The following ADAP2 variants were observed in gnomAD, a reference collection of about 807,000 sequenced individuals.
The protein encoded by ADAP2 is ArfGAP with dual PH domains 2.
In ADAP2, 42 loss-of-function variants were observed where a neutral mutation model predicts 54.9. That is an observed-to-expected ratio of 0.77 (90% CI 0.60 to 0.99). The LOEUF is 0.99. ADAP2 is among the 50% of genes least tolerant of loss of function. The pLI, the probability that ADAP2 is intolerant of heterozygous loss-of-function variation, is 0.00. For missense variants in ADAP2, 429 were observed against 480.4 expected (o/e 0.89, Z 1.00); for synonymous variants, 177 against 180.1 (o/e 0.98, Z 0.14).
intron 3 of ADAP2, among the ~76,000 whole-genome samples, chr17:30,929,675 ACT>A (rs957004313): frequency 1.3e-4 from 20 of 151,354 alleles, no homozygotes; most frequent in African/African-American, 4.9e-4. Flanking sequence ...ACTAGGAATG[ACT>A]CTCTCTCTCT....
chr17:30,925,173 C>T (rs377143585), intron 2 of ADAP2, among the ~76,000 whole-genome samples: 16 of 140,072 alleles, frequency 1.1e-4, no homozygotes, highest in African/African-American at 2.4e-4. Flanking sequence ...CGTGAGCCAC[C>T]GTGCCCAGCA....
chr17:30,923,340 C>T (rs1910785966), intron 2 of ADAP2, among the ~76,000 whole-genome samples: 2 of 150,876 alleles, frequency 1.3e-5, no homozygotes, highest in South Asian at 4.2e-4. Flanking sequence ...TCTTGGCTCA[C>T]TGCAACCGCT....
At chr17:30,945,459 C>G (rs1257840799) in intron 6 of ADAP2, among the ~76,000 whole-genome samples, 1 of 152,116 alleles carries the variant, frequency 6.6e-6, no homozygotes, top group Non-Finnish European at 1.5e-5. Flanking sequence ...TGGCATCACC[C>G]AGGAGCTCAA....
chr17:30,925,018 A>T (rs1255822978), intron 2 of ADAP2, among the ~76,000 whole-genome samples: 1 of 150,806 alleles, frequency 6.6e-6, no homozygotes, highest in African/African-American at 2.4e-5. Flanking sequence ...GATTACAGGC[A>T]TGCACCACCA....
At chr17:30,924,773 G>A (rs921160719) in intron 2 of ADAP2, among the ~76,000 whole-genome samples, 4 of 152,190 alleles carry the variant, frequency 2.6e-5, no homozygotes, top group African/African-American at 9.7e-5. Flanking sequence ...TTACATTCTA[G>A]TGTGGGAGAA....
chr17:30,941,260 T>C (rs1303835687), intron 5 of ADAP2, among the ~76,000 whole-genome samples: 1 of 152,254 alleles, frequency 6.6e-6, no homozygotes, highest in Non-Finnish European at 1.5e-5. Context: ...TTATTGCTTC[T>C]CTTCAATTAG....
intron 7 of ADAP2, among the ~76,000 whole-genome samples, chr17:30,949,738 G>C (rs940689435): frequency 7.8e-6 from 1 of 127,744 alleles, no homozygotes; most frequent in Non-Finnish European, 1.5e-5. Context: ...GACAGAGTGA[G>C]ACTCCGTCTC....
intron 2 of ADAP2, among the ~76,000 whole-genome samples, chr17:30,923,740 G>A (rs1374671638): frequency 3.5e-5 from 4 of 114,732 alleles, no homozygotes; most frequent in African/African-American, 1.1e-4. Context: ...CACTCTTGTC[G>A]CCCAGGCTGG....
intron 3 of ADAP2, among the ~76,000 whole-genome samples, chr17:30,931,097 T>G (rs771560585): frequency 6.6e-6 from 1 of 152,132 alleles, no homozygotes; most frequent in African/African-American, 2.4e-5. Flanking sequence ...CTGCCCAGAC[T>G]TCATGGGCAG....
chr17:30,942,723 C>G (rs1912364141), intron 5 of ADAP2, among the ~76,000 whole-genome samples: 2 of 152,118 alleles, frequency 1.3e-5, no homozygotes, highest in South Asian at 4.1e-4. Flanking sequence ...GCAAAAAGAA[C>G]CTCATTAAAA....
chr17:30,942,888 T>C lies in ADAP2; in HGVS notation c.511-2019T>C, dbSNP rs1029343210. On this transcript the variant is annotated intron_variant, in intron 5 of 10. Transcript: ENST00000330889. ...AGTCAGAATGACTGTTATCAAAAAG[T>C]AAAAAAGTAACAGATACTGGTGAGG... is the stretch of plus-strand genomic sequence containing the variant. 4.6e-5 allele frequency among the ~76,000 whole-genome samples: 7 copies of C among 152,130 alleles called. No individual in the cohort carries two copies. The East Asian group carries it at 1.3e-3, about 29-fold the overall frequency.
At chr17:30,941,737 C>T (rs150864083) in intron 5 of ADAP2, among the ~76,000 whole-genome samples, 18 of 152,038 alleles carry the variant, frequency 1.2e-4, no homozygotes. Flanking sequence ...TTAGAACAGG[C>T]AAAACTGTAC....
intron 5 of ADAP2, among the ~76,000 whole-genome samples, chr17:30,938,540 G>C (rs975639948): frequency 1.3e-5 from 2 of 152,158 alleles, no homozygotes; most frequent in Non-Finnish European, 2.9e-5. Context: ...GCCATCTTTG[G>C]AGACCATCTA....
Position 30,931,879 on chromosome 17 carries a change from C to A in ADAP2, c.318-10C>A. 2 of 1,604,146 alleles carry A rather than the reference C, an allele frequency of 1.2e-6. No homozygotes were observed. The stretch of plus-strand genomic sequence containing the variant: ...TCAAACGCAGCTGACCTCAGGCTCT[C>A]TCTTTTTAGGGTCTTAAAGGAACAA... On this transcript the variant is annotated splice_polypyrimidine_tract_variant and intron_variant, in intron 3 of 10. Transcript: ENST00000330889.
chr17:30,937,880 G>A (rs1912002100), intron 5 of ADAP2, among the ~76,000 whole-genome samples: 1 of 152,198 alleles, frequency 6.6e-6, no homozygotes, highest in Non-Finnish European at 1.5e-5. Flanking sequence ...AGATGCCTAT[G>A]AGTCATCCAG....
intron 3 of ADAP2, 118 bp from the exon 4 acceptor site, chr17:30,931,771 T>C (rs934102822): frequency 6.0e-6 from 4 of 664,936 alleles, no homozygotes; most frequent in Non-Finnish European, 1.0e-5. Flanking sequence ...CAGTGAGCCG[T>C]GATCACGTGA....
chr17:30,922,110 T>C lies in ADAP2; in HGVS notation c.94+2T>C. On this transcript the variant is annotated splice_donor_variant, in intron 1 of 10. Transcript: ENST00000330889. LOFTEE classifies it high-confidence loss of function. ...ACTGCGCCGACTGCGGGGCGGCAGG[T>C]AAGGGCGCGGCGGCGCGGGCAGCGC... is the stretch of plus-strand genomic sequence containing the variant. 8.0e-7 allele frequency: 1 copy of C among 1,245,132 alleles called. No individual in the cohort carries two copies. Among genetic ancestry groups the C allele is most frequent in the South Asian group, 3.3e-5 (1 of 30,652 alleles). The allele number at this position is 1,245,132 out of a possible 1,614,324, so 77.1% of individuals were successfully genotyped here. A position where few individuals can be genotyped will look rare whatever the true frequency, so the allele number is the denominator to read the frequency against.
Position 30,926,830 on chromosome 17 carries a change from A to G in ADAP2, c.229A>G (p.Met77Val). The G allele has an allele frequency of 6.2e-7, 1 of 1,614,070 alleles. No individual in the cohort carries two copies. Among genetic ancestry groups the G allele is most frequent in the Admixed American group, 1.7e-5 (1 of 60,008 alleles). ...TCAGGTTGCTGTTGTCTTGCAGTTTATGATCCACAATGGAAACCTCCGTGT... is the reference window on the plus strand; with the variant it reads ...TCAGGTTGCTGTTGTCTTGCAGTTTGTGATCCACAATGGAAACCTCCGTGT... ...DFWDDSIVEF[M>V]IHNGNLRVKA... The change falls in exon 3 of 11, where the codon ATG (methionine) becomes GTG (valine). Residue 77 changes from methionine (M) to valine (V), a missense_variant. Physicochemically the swap from Met to Val is conservative, Grantham distance 21. Coordinates refer to ENST00000330889, the MANE Select transcript of ADAP2 (RefSeq NM_018404.3).
chr17:30,941,816 G>A (rs1041934355), intron 5 of ADAP2, among the ~76,000 whole-genome samples: 1 of 152,152 alleles, frequency 6.6e-6, no homozygotes, highest in African/African-American at 2.4e-5. Context: ...GGGGATGAGT[G>A]AAGTCTTTTG....
Sources: allele counts gnomAD v4.1 joint callset (sites outside exome capture counted in the v4.1 genomes callset), GRCh38; gene constraint gnomAD v4.1.1; transcripts MANE v1.5; gene names NCBI Gene and HGNC (gene_info 2026-07-23, HGNC 2026-07-21).